The following ZNF292 variants were observed in gnomAD, a reference collection of about 807,000 sequenced individuals.
ZNF292 encodes the protein zinc finger protein 292.
Under a neutral mutation model 217.9 loss-of-function variants are expected in ZNF292, and 26 were observed. That is an observed-to-expected ratio of 0.12 (90% CI 0.09 to 0.17). The LOEUF (loss-of-function observed/expected upper bound fraction) is 0.17, where lower values mean the gene tolerates loss of function less well. ZNF292 is among the 10% of genes least tolerant of loss of function. ZNF292 has a pLI of 1.00. For missense variants in ZNF292, 2,904 were observed against 3,175.2 expected (o/e 0.91, Z 2.05); for synonymous variants, 1,257 against 1,124.1 (o/e 1.12, Z -2.37).
At chr6:87,168,993 T>A (rs1227657195) in intron 1 of ZNF292, among the ~76,000 whole-genome samples, 2 of 151,954 alleles carry the variant, frequency 1.3e-5, no homozygotes, top group Non-Finnish European at 2.9e-5. Context: ...ACGGTTTTGG[T>A]TTTTTGTTTG....
chr6:87,157,931 C>G (rs1382249982), intron 1 of ZNF292, among the ~76,000 whole-genome samples: 1 of 152,146 alleles, frequency 6.6e-6, no homozygotes, highest in Non-Finnish European at 1.5e-5. Flanking sequence ...CTGCTGGTCT[C>G]GAACTGCTGA....
chr6:87,214,290 C>A (rs1479213386), intron 1 of ZNF292, among the ~76,000 whole-genome samples: 3 of 152,188 alleles, frequency 2.0e-5, no homozygotes, highest in Admixed American at 1.3e-4. Flanking sequence ...TTCCCCTCTT[C>A]CCCAGCATCT....
intron 1 of ZNF292, among the ~76,000 whole-genome samples, chr6:87,161,825 T>C (rs1228429782): frequency 6.6e-6 from 1 of 152,246 alleles, no homozygotes; most frequent in Non-Finnish European, 1.5e-5. Context: ...GAAAACTTGA[T>C]CTTTTTCCCA....
In ZNF292 at chr6:87,216,223, A is replaced by G. The variant is rs183515901; in HGVS notation, c.324-76A>G. On this transcript the variant is annotated intron_variant, in intron 2 of 7. Transcript: ENST00000369577. Reference sequence around the variant, plus strand: ...TAGTTATGGGGAGTCTGCTTATGATACTAGAATTACTGGTTTTATAATTTC... The same window carrying G: ...TAGTTATGGGGAGTCTGCTTATGATGCTAGAATTACTGGTTTTATAATTTC... 3.6e-6 allele frequency: 5 copies of G among 1,385,992 alleles called. No homozygotes were observed. In the East Asian group the frequency reaches 9.8e-5, roughly 27 times the overall value. The allele number at this position is 1,385,992 out of a possible 1,614,324, so 85.9% of individuals were successfully genotyped here. A position where few individuals can be genotyped will look rare whatever the true frequency, so the allele number is the denominator to read the frequency against.
At chr6:87,157,509 T>G (rs953167874) in intron 1 of ZNF292, among the ~76,000 whole-genome samples, 11 of 152,188 alleles carry the variant, frequency 7.2e-5, no homozygotes, top group African/African-American at 2.7e-4. Context: ...TGAAAGACAT[T>G]TTCCCCTAAT....
chr6:87,257,983 T>C lies in ZNF292; in HGVS notation c.4354T>C (p.Ser1452Pro). 1 of 1,613,940 alleles carries C rather than the reference T, an allele frequency of 6.2e-7. No individual in the cohort carries two copies. The highest frequency in any genetic ancestry group is 1.6e-4 in the Middle Eastern group (1 of 6,062). ...FNPEACFKDP[S>P]FLQLLAENRS... The stretch of plus-strand genomic sequence containing the variant: ...TCCAGAAGCATGTTTTAAAGATCCA[T>C]CATTTCTACAGCTTCTTGCTGAAAA... The change falls in exon 8 of 8, where the codon TCA becomes CCA. Residue 1452 changes from serine to proline, a missense_variant. Physicochemically the swap from Ser to Pro is moderately conservative, Grantham distance 74. This residue lies in a region of ZNF292 where 622 missense variants were observed against 573.1 expected (regional missense o/e 1.09). Transcript: ENST00000369577.
At chr6:87,233,797 T>C in intron 5 of ZNF292, 1 of 354,930 alleles carries the variant, frequency 2.8e-6, no homozygotes, top group Non-Finnish European at 3.9e-6. Context: ...CTTAACAGTT[T>C]AGTAAAATAT....
chr6:87,254,525 A>T, intron 7 of ZNF292, 125 bp from the exon 8 acceptor site: 1 of 883,988 alleles, frequency 1.1e-6, no homozygotes, highest in Non-Finnish European at 1.8e-6. Flanking sequence ...TTAGAAGGGG[A>T]ATCCTTTCAT....
chr6:87,181,746 G>A (rs1198529609), intron 1 of ZNF292, among the ~76,000 whole-genome samples: 2 of 151,652 alleles, frequency 1.3e-5, no homozygotes, highest in African/African-American at 4.8e-5. Flanking sequence ...CAGTGGCACT[G>A]TCTCGACTCA....
chr6:87,234,151 A>G (rs1033179495), intron 5 of ZNF292, among the ~76,000 whole-genome samples: 1 of 152,210 alleles, frequency 6.6e-6, no homozygotes, highest in Non-Finnish European at 1.5e-5. Flanking sequence ...GAATTTTGCA[A>G]TTTTGCATTT....
chr6:87,259,367 C>T lies in ZNF292; in HGVS notation c.5738C>T (p.Ala1913Val). 1.2e-6 allele frequency: 2 copies of T among 1,612,900 alleles called. No individual in the cohort carries two copies. Among genetic ancestry groups the T allele is most frequent in the Non-Finnish European group, 1.7e-6 (2 of 1,179,390 alleles). The change falls in exon 8 of 8, where the codon GCT (alanine) becomes GTT (valine). Residue 1913 changes from alanine to valine, a missense_variant. Physicochemically the swap from Ala to Val is moderately conservative, Grantham distance 64. Coordinates refer to ENST00000369577, the MANE Select transcript of ZNF292 (RefSeq NM_015021.3). ...CAAAACCAAGGCTGTAACTACAGTG[C>T]TATGACAAAGGATGCACTATTTAAG... ...VCQNQGCNYS[A>V]MTKDALFKHY...
intron 1 of ZNF292, among the ~76,000 whole-genome samples, chr6:87,162,304 A>G (rs1770777693): frequency 6.6e-6 from 1 of 152,200 alleles, no homozygotes; most frequent in South Asian, 2.1e-4. Context: ...ATTTCTTTGT[A>G]TATTTTATGT....
chr6:87,255,019 G>T lies in ZNF292; in HGVS notation c.1390G>T (p.Ala464Ser). The T allele has an allele frequency of 6.2e-7, 1 of 1,613,798 alleles. No individual in the cohort carries two copies. Among genetic ancestry groups the T allele is most frequent in the Non-Finnish European group, 8.5e-7 (1 of 1,179,832 alleles). ...ATGTCTTGCATTAATGGGAGAAGAA[G>T]CATCCATTGTGTCTTCAATAGATGA... ...RQCLALMGEE[A>S]SIVSSIDELN... is the part of the protein sequence containing the mutation. The change falls in exon 8 of 8, where the codon GCA (alanine) becomes TCA (serine). Residue 464 changes from alanine (A) to serine (S), a missense_variant. This residue lies in a region of ZNF292 where 87 missense variants were observed against 99.6 expected (regional missense o/e 0.87). Transcript: ENST00000369577.
At chr6:87,170,668 T>A (rs757346482) in intron 1 of ZNF292, among the ~76,000 whole-genome samples, 6 of 152,220 alleles carry the variant, frequency 3.9e-5, no homozygotes, top group Admixed American at 3.3e-4. Flanking sequence ...ATGAAAACCA[T>A]CCTTTATAAA....
In ZNF292 at chr6:87,217,734, G is replaced by A. The variant is rs567715869; in HGVS notation, c.403-862G>A. Among the ~76,000 whole-genome samples the A allele has an allele frequency of 3.7e-4, 57 of 152,182 alleles. 1 individual carries two copies. The South Asian group carries it at 0.012, about 31-fold the overall frequency. The stretch of plus-strand genomic sequence containing the variant: ...TTAAAGAAAACTTAGTAAAGCACCT[G>A]AACTTTGTTGGAATGGGAATATTTG... On this transcript the variant is annotated intron_variant, in intron 3 of 7. Coordinates refer to ENST00000369577, the MANE Select transcript of ZNF292 (RefSeq NM_015021.3).
At position 87,258,959 on chromosome 6, in the gene ZNF292, C is replaced by T. The variant is rs41273279; in HGVS notation, c.5330C>T (p.Ser1777Phe). Reference protein sequence around the residue: ...NSQILEVKSGSQGAGETSQNA... With the variant: ...NSQILEVKSGFQGAGETSQNA... The stretch of plus-strand genomic sequence containing the variant: ...CAAATACTTGAGGTAAAAAGTGGAT[C>T]TCAGGGTGCTGGTGAAACTTCACAA... Residue 1777 changes from serine (S) to phenylalanine (F), a missense_variant, in exon 8 of 8, where the codon TCT (serine) becomes TTT (phenylalanine). Physicochemically the swap from Ser to Phe is radical, Grantham distance 155 (BLOSUM62 -2). Around this residue, in one of 15 missense-constraint regions of ZNF292, gnomAD observed 622 missense variants for 573.1 expected, o/e 1.09. Coordinates refer to ENST00000369577, the MANE Select transcript of ZNF292 (RefSeq NM_015021.3). The T allele has an allele frequency of 3.6e-4, 574 of 1,612,988 alleles. No homozygotes were observed. Among genetic ancestry groups the T allele is most frequent in the Middle Eastern group, 1.7e-3 (10 of 6,058 alleles).
intron 1 of ZNF292, among the ~76,000 whole-genome samples, chr6:87,171,895 A>G (rs994902062): frequency 1.3e-5 from 2 of 152,366 alleles, no homozygotes; most frequent in Non-Finnish European, 2.9e-5. Context: ...AAATCAAGAT[A>G]TACCACTAGC....
chr6:87,228,231 T>C (rs1311268709), intron 4 of ZNF292, among the ~76,000 whole-genome samples: 1 of 152,226 alleles, frequency 6.6e-6, no homozygotes, highest in Non-Finnish European at 1.5e-5. Context: ...TATGTTATCT[T>C]TTGAGAAATA....
intron 4 of ZNF292, among the ~76,000 whole-genome samples, chr6:87,224,482 C>T (rs1181653625): frequency 6.6e-6 from 1 of 151,612 alleles, no homozygotes; most frequent in East Asian, 1.9e-4. Flanking sequence ...TGTGTTTCAT[C>T]TATCCAGCCT....
Sources: gnomAD v4.1 joint callset for allele counts (sites outside exome capture counted in the v4.1 genomes callset) on GRCh38, gnomAD v4.1.1 for gene constraint, gnomAD v4.1.1 regional missense constraint, MANE v1.5 for transcripts, NCBI Gene and HGNC (gene_info 2026-07-23, HGNC 2026-07-21) for gene names.